The following STYX variants were observed in gnomAD, a reference collection of about 807,000 sequenced individuals.
STYX encodes serine/threonine/tyrosine-interacting protein.
STYX carries 20 observed loss-of-function variants against 42.7 expected under a neutral mutation model. That is an observed-to-expected ratio of 0.47 (90% CI 0.33 to 0.68). The LOEUF (loss-of-function observed/expected upper bound fraction) is 0.68. Among genes scored for constraint, STYX ranks in the 30% least tolerant of loss-of-function variants. STYX has a pLI of 0.02. For synonymous variants in STYX, 78 were observed against 81.9 expected (o/e 0.95, Z 0.26); for missense variants, 226 against 268.5 (o/e 0.84, Z 1.11).
At chr14:52,757,219 A>G in intron 5 of STYX, 100 bp from the exon 6 acceptor site, 2 of 922,846 alleles carry the variant, frequency 2.2e-6, no homozygotes, top group Admixed American at 2.7e-5. Flanking sequence ...AATAATTTTT[A>G]TACATATAAA....
At chr14:52,749,799 A>T (rs970840532) in intron 3 of STYX, among the ~76,000 whole-genome samples, 1 of 152,222 alleles carries the variant, frequency 6.6e-6, no homozygotes, top group Admixed American at 6.5e-5. Context: ...AATCTGAAAA[A>T]TCTGAAATGC....
chr14:52,767,239 G>C (rs1882338734), intron 9 of STYX, among the ~76,000 whole-genome samples: 1 of 152,100 alleles, frequency 6.6e-6, no homozygotes, highest in Admixed American at 6.6e-5. Flanking sequence ...TTCTTAGAAG[G>C]ATACTCATTT....
chr14:52,764,897 G>A (rs1251082176), intron 9 of STYX, among the ~76,000 whole-genome samples: 1 of 151,990 alleles, frequency 6.6e-6, no homozygotes, highest in East Asian at 1.9e-4. Context: ...TCGAATTCCT[G>A]AGATCATGTG....
At chr14:52,767,018 C>T (rs1882328864) in intron 9 of STYX, among the ~76,000 whole-genome samples, 1 of 151,992 alleles carries the variant, frequency 6.6e-6, no homozygotes, top group Non-Finnish European at 1.5e-5. Context: ...AATCAGACAA[C>T]AAACAAAATG....
chr14:52,756,428 TATG>T (rs1235860185), intron 4 of STYX, 120 bp from the exon 5 acceptor site: 3 of 604,520 alleles, frequency 5.0e-6, no homozygotes, highest in Non-Finnish European at 8.8e-6. Context: ...TTCTTGGGAA[TATG>T]ATACTTTGAA....
At chr14:52,742,864 T>C (rs1192452185) in intron 1 of STYX, among the ~76,000 whole-genome samples, 1 of 151,394 alleles carries the variant, frequency 6.6e-6, no homozygotes, top group East Asian at 2.0e-4. Context: ...TGCCACGATC[T>C]CAGCTCACTG....
At chr14:52,754,027 T>G (rs1364184063) in intron 4 of STYX, among the ~76,000 whole-genome samples, 1 of 150,078 alleles carries the variant, frequency 6.7e-6, no homozygotes, top group Non-Finnish European at 1.5e-5. Context: ...GTAGCAGAGA[T>G]TACAGGCATG....
Position 52,773,223 on chromosome 14 carries a change from T to C in STYX, c.*2117T>C, listed in dbSNP as rs1882581408. On this transcript the variant is annotated 3_prime_UTR_variant, in exon 11 of 11. Transcript: ENST00000354586. ...CATTTTCTATCCACTGTAATTTTTA[T>C]GTTGTCACTGAAGTGCCTGCCCAGT... The C allele has an allele frequency of 6.6e-6, 1 of 152,162 alleles. No homozygotes were observed. The highest frequency in any genetic ancestry group is 2.4e-5 in the African/African-American group (1 of 41,422). 9.4% of individuals were successfully genotyped at this position (152,162 alleles called of 1,614,324 possible). A position where few individuals can be genotyped will look rare whatever the true frequency, so the allele number is the denominator to read the frequency against.
intron 4 of STYX, among the ~76,000 whole-genome samples, chr14:52,751,603 T>C (rs1286216544): frequency 6.6e-6 from 1 of 152,210 alleles, no homozygotes; most frequent in Non-Finnish European, 1.5e-5. Flanking sequence ...ACATTTTTAA[T>C]TTCTCAAAGT....
chr14:52,732,307 C>T (rs1344917147), intron 1 of STYX, among the ~76,000 whole-genome samples: 3 of 145,300 alleles, frequency 2.1e-5, no homozygotes, highest in East Asian at 2.0e-4. Context: ...CACTCTGTCG[C>T]CCAGGCTGGA....
intron 1 of STYX, among the ~76,000 whole-genome samples, chr14:52,733,759 G>A (rs952499008): frequency 6.6e-6 from 1 of 152,218 alleles, no homozygotes; most frequent in Admixed American, 6.5e-5. Flanking sequence ...ATGATTGCAA[G>A]CTGTCCAGGT....
chr14:52,762,926 T>C (rs527348391), intron 9 of STYX, among the ~76,000 whole-genome samples: 66 of 144,116 alleles, frequency 4.6e-4, no homozygotes, highest in African/African-American at 1.7e-3. Flanking sequence ...AGTCTTCTGC[T>C]CTGTTGCCCA....
intron 3 of STYX, among the ~76,000 whole-genome samples, chr14:52,749,559 C>T (rs574264624): frequency 1.3e-5 from 2 of 152,118 alleles, no homozygotes; most frequent in Admixed American, 6.6e-5. Flanking sequence ...GTTATACATA[C>T]TTGATACTTA....
chr14:52,734,542 A>C (rs1448778795), intron 1 of STYX, among the ~76,000 whole-genome samples: 3 of 152,130 alleles, frequency 2.0e-5, no homozygotes, highest in Non-Finnish European at 4.4e-5. Flanking sequence ...AACCAAAGAC[A>C]CTCCTATTAG....
In STYX at chr14:52,730,224, G is replaced by A. The variant is rs533349390; in HGVS notation, c.-251G>A. 283 of 567,244 alleles carry A rather than the reference G, an allele frequency of 5.0e-4. 1 individual carries two copies. The African/African-American group carries it at 5.0e-3, about 10-fold the overall frequency. 35.1% of individuals were successfully genotyped at this position (567,244 alleles called of 1,614,324 possible). On this transcript the variant is annotated 5_prime_UTR_variant, in exon 1 of 11. Transcript: ENST00000354586. ...GCGGCCTGAGGGGTACGGAGACTCT[G>A]GGGGAGGGAGACGGCAGCGGCATGG...
chr14:52,763,910 G>GT (rs1882197937), intron 9 of STYX, among the ~76,000 whole-genome samples: 1 of 152,008 alleles, frequency 6.6e-6, no homozygotes, highest in Admixed American at 6.6e-5. Flanking sequence ...GGTTCTGCAA[G>GT]TTTTTTTCTG....
chr14:52,740,008 G>C (rs1348516290), intron 1 of STYX, among the ~76,000 whole-genome samples: 1 of 152,144 alleles, frequency 6.6e-6, no homozygotes, highest in Non-Finnish European at 1.5e-5. Context: ...GCTGGGCGCG[G>C]TGGCTCATGC....
rs1882562566 is a variant in STYX at position 52,772,765 on chromosome 14, T to C, written c.*1659T>C. On this transcript the variant is annotated 3_prime_UTR_variant, in exon 11 of 11. Transcript: ENST00000354586. Reference sequence around the variant, plus strand: ...ATTAAAATTGTTAATTAAGAGTTAATTCCTATTGACCCAGGTGATATTTCT... The same window carrying C: ...ATTAAAATTGTTAATTAAGAGTTAACTCCTATTGACCCAGGTGATATTTCT... 6.6e-6 allele frequency: 1 copy of C among 152,444 alleles called. No individual in the cohort carries two copies. Among genetic ancestry groups the C allele is most frequent in the Non-Finnish European group, 1.5e-5 (1 of 68,020 alleles). 9.4% of individuals were successfully genotyped at this position (152,444 alleles called of 1,614,324 possible).
Position 52,730,527 on chromosome 14 carries a change from C to T in STYX, c.53C>T (p.Ala18Val). 6.2e-7 allele frequency: 1 copy of T among 1,613,418 alleles called. No homozygotes were observed. Among genetic ancestry groups the T allele is most frequent in the Non-Finnish European group, 8.5e-7 (1 of 1,179,798 alleles). The change falls in exon 1 of 11, where the codon GCC becomes GTC. Residue 18 changes from alanine to valine, a missense_variant. Transcript: ENST00000354586. ...TCCCTTCCACAGTGCAAGGAAGACG[C>T]CGAGGTGAGTCGCTCCCGTGGCTGC... ...FPSLPQCKEDAEEWTYPMRRE... is the reference protein window; with the variant it reads ...FPSLPQCKEDVEEWTYPMRRE...
Sources: gnomAD v4.1 joint callset for allele counts (sites outside exome capture counted in the v4.1 genomes callset) on GRCh38, gnomAD v4.1.1 for gene constraint, MANE v1.5 for transcripts, NCBI Gene and HGNC (gene_info 2026-07-23, HGNC 2026-07-21) for gene names.